The following NLRP2 variants were observed in gnomAD, a reference collection of about 807,000 sequenced individuals.
The protein encoded by NLRP2 is NACHT, LRR and PYD domains-containing protein 2.
Under a neutral mutation model 97.2 loss-of-function variants are expected in NLRP2, and 107 were observed. The observed-to-expected ratio is 1.10, with a 90% confidence interval of 0.94 to 1.29. NLRP2 has a LOEUF of 1.29. Ranked by LOEUF, NLRP2 falls within the 50% of genes most tolerant of loss-of-function variation. The pLI is 0.00. For synonymous variants in NLRP2, 663 were observed against 551.5 expected (o/e 1.20, Z -2.83); for missense variants, 1,495 against 1,330.3 (o/e 1.12, Z -1.93).
intron 8 of NLRP2, 47 bp downstream of exon 8, chr19:54,986,362 A>C: frequency 1.3e-6 from 2 of 1,538,568 alleles, no homozygotes; most frequent in Non-Finnish European, 9.0e-7. Flanking sequence ...AACATAAGCT[A>C]CCACAAGCTT....
intron 3 of NLRP2, among the ~76,000 whole-genome samples, 180 bp downstream of exon 3, chr19:54,974,724 C>T (rs145681394): frequency 9.6e-4 from 146 of 152,280 alleles, no homozygotes; most frequent in African/African-American, 3.4e-3. Flanking sequence ...AGCTGAAACA[C>T]GATCGCGTTT....
rs776608017 is a variant in NLRP2, at chr19:54,994,415, C to A, written c.2855C>A (p.Pro952Gln). 5 of 1,613,108 alleles carry A rather than the reference C, an allele frequency of 3.1e-6. No homozygotes were observed. The South Asian group carries it at 5.5e-5, about 18-fold the overall frequency. The change falls in exon 11 of 13, where the codon CCA becomes CAA. Residue 952 changes from proline (P) to glutamine (Q), a missense_variant. Coordinates refer to ENST00000448584, the MANE Select transcript of NLRP2 (RefSeq NM_017852.5). ...TTCCTGTGTGAGGCTTTGAGGAAAC[C>A]ACTGTGCAACTTGAGATGTCTGTGG... ...MKFLCEALRK[P>Q]LCNLRCLWLW...
chr19:54,993,964 C>G (rs1271612816), intron 10 of NLRP2: 3 of 485,182 alleles, frequency 6.2e-6, no homozygotes, highest in African/African-American at 5.8e-5. Flanking sequence ...CTGGCTTTGA[C>G]TCTCAGCTCC....
chr19:54,969,918 C>G (rs572941162), intron 1 of NLRP2, 81 bp from the exon 2 acceptor site: 1 of 1,389,860 alleles, frequency 7.2e-7, no homozygotes, highest in Admixed American at 1.7e-5. Flanking sequence ...TGTCCTTGTT[C>G]GTGGCACAGC....
In NLRP2 at chr19:54,975,106, GTTTTTTTTTTTTTTTTTTTT is replaced by G. The variant is rs558518586; in HGVS notation, c.325+580_325+599del. Reference sequence around the variant, plus strand: ...ATGAGCCACCACCACACCCGGTTTTGTTTTTTTTTTTTTTTTTTTTTTTTTTTTTTTTTTTTTGAAACAGG... The same window carrying G: ...ATGAGCCACCACCACACCCGGTTTTGTTTTTTTTTTTTTTTTTGAAACAGG... On this transcript the variant is annotated intron_variant, in intron 3 of 12. Coordinates refer to ENST00000448584, the MANE Select transcript of NLRP2 (RefSeq NM_017852.5). 8.8e-3 allele frequency among the ~76,000 whole-genome samples: 517 copies of G among 58,708 alleles called. 9 individuals carry two copies. The highest frequency in any genetic ancestry group is 0.024 in the African/African-American group (436 of 17,998). The allele number at this position is 58,708 out of a possible 152,430, so 38.5% of individuals were successfully genotyped here.
chr19:54,995,737 C>T (rs901980948), intron 11 of NLRP2, among the ~76,000 whole-genome samples: 13 of 152,010 alleles, frequency 8.6e-5, no homozygotes, highest in Non-Finnish European at 1.9e-4. Context: ...ATCTGGGAGG[C>T]AATCTTAAAA....
rs1568503662 is a variant in NLRP2 at position 54,983,729 on chromosome 19, G to T, written c.2030+1G>T. Reference sequence around the variant, plus strand: ...CTGAATCAGACGCCGAGGTTGAGAGGTGAGAACCGTTTCACTCTACCAGTC... The same window carrying T: ...CTGAATCAGACGCCGAGGTTGAGAGTTGAGAACCGTTTCACTCTACCAGTC... On this transcript the variant is annotated splice_donor_variant, in intron 6 of 12. Coordinates refer to ENST00000448584, the MANE Select transcript of NLRP2 (RefSeq NM_017852.5). LOFTEE classifies it high-confidence loss of function. The T allele has an allele frequency of 6.2e-7, 1 of 1,609,374 alleles. No individual in the cohort carries two copies. Among genetic ancestry groups the T allele is most frequent in the Non-Finnish European group, 8.5e-7 (1 of 1,179,856 alleles).
intron 3 of NLRP2, chr19:54,976,937 C>G (rs916570563): frequency 7.8e-6 from 3 of 385,154 alleles, no homozygotes; most frequent in African/African-American, 6.6e-5. Context: ...GCCTCAGCCT[C>G]GCAAGTAGCT....
chr19:54,983,844 T>C lies in NLRP2; in HGVS notation c.2030+116T>C, dbSNP rs998733298. On this transcript the variant is annotated intron_variant, in intron 6 of 12. Coordinates refer to ENST00000448584, the MANE Select transcript of NLRP2 (RefSeq NM_017852.5). ...CTTAGGGTCAGGAATTCCCTCTTGTTGGACTCTTTGTTTGTTTTTGTTTTG... is the reference window on the plus strand; with the variant it reads ...CTTAGGGTCAGGAATTCCCTCTTGTCGGACTCTTTGTTTGTTTTTGTTTTG... 3.5e-6 allele frequency: 5 copies of C among 1,415,856 alleles called. No individual in the cohort carries two copies. The African/African-American group carries it at 5.6e-5, about 16-fold the overall frequency. 87.7% of individuals were successfully genotyped at this position (1,415,856 alleles called of 1,614,324 possible).
intron 4 of NLRP2, 89 bp downstream of exon 4, chr19:54,977,912 C>T: frequency 8.5e-7 from 1 of 1,178,484 alleles, no homozygotes; most frequent in Non-Finnish European, 1.3e-6. Context: ...AACCCCATCT[C>T]TCTCCAATCT....
intron 12 of NLRP2, among the ~76,000 whole-genome samples, chr19:54,999,078 CATTA>C (rs2073034878): frequency 2.0e-5 from 3 of 148,574 alleles, no homozygotes; most frequent in Non-Finnish European, 4.5e-5. Flanking sequence ...CCTCACTTCC[CATTA>C]GGGGCGGCCG....
chr19:54,985,398 C>T (rs76233598), intron 7 of NLRP2, among the ~76,000 whole-genome samples, 181 bp downstream of exon 7: 7,793 of 152,212 alleles, frequency 0.051, 248 homozygotes, highest in South Asian at 0.095. Context: ...TTTCTAGGGG[C>T]TGGGCATGGT....
intron 6 of NLRP2, 70 bp from the exon 7 acceptor site, chr19:54,984,977 A>C: frequency 1.1e-5 from 16 of 1,494,476 alleles, no homozygotes; most frequent in Non-Finnish European, 1.3e-5. Flanking sequence ...GTATATGCCC[A>C]GAGAAACCCT....
Position 54,975,106 on chromosome 19 carries a change from GTTTTTTTTT to G in NLRP2, c.325+591_325+599del, listed in dbSNP as rs558518586. Among the ~76,000 whole-genome samples the G allele has an allele frequency of 4.9e-3, 287 of 58,704 alleles. 14 individuals are homozygous for G. The highest frequency in any genetic ancestry group is 0.018 in the Middle Eastern group (1 of 56). The allele number at this position is 58,704 out of a possible 152,430, so 38.5% of individuals were successfully genotyped here. On this transcript the variant is annotated intron_variant, in intron 3 of 12. Coordinates refer to ENST00000448584, the MANE Select transcript of NLRP2 (RefSeq NM_017852.5). ...ATGAGCCACCACCACACCCGGTTTT[GTTTTTTTTT>G]TTTTTTTTTTTTTTTTTTTTTTTTT... is the stretch of plus-strand genomic sequence containing the variant.
intron 1 of NLRP2, among the ~76,000 whole-genome samples, chr19:54,966,915 C>T (rs1232568735): frequency 2.1e-5 from 3 of 145,860 alleles, no homozygotes; most frequent in African/African-American, 7.6e-5. Flanking sequence ...GATCTCGGCT[C>T]ACTGAACCCT....
At chr19:54,979,912 G>A (rs188063863) in intron 4 of NLRP2, among the ~76,000 whole-genome samples, 2 of 152,140 alleles carry the variant, frequency 1.3e-5, no homozygotes, top group East Asian at 1.9e-4. Flanking sequence ...AAATAGCTGG[G>A]AGTACAGGTG....
At chr19:54,973,881 A>G in intron 2 of NLRP2, 1 of 663,572 alleles carries the variant, frequency 1.5e-6, no homozygotes, top group Non-Finnish European at 2.8e-6. Flanking sequence ...CACCCCCACA[A>G]AGTGACACAA....
chr19:55,001,046 G>T lies in NLRP2; in HGVS notation c.*148G>T. 1.4e-6 allele frequency: 1 copy of T among 689,848 alleles called. No homozygotes were observed. The highest frequency in any genetic ancestry group is 2.6e-6 in the Non-Finnish European group (1 of 389,488). The allele number at this position is 689,848 out of a possible 1,614,324, so 42.7% of individuals were successfully genotyped here. ...ATGTTTTAGCCATGATTCTGCCTCT[G>T]TTTTATACCTGCACACATCCTTATC... On this transcript the variant is annotated 3_prime_UTR_variant, in exon 13 of 13. Transcript: ENST00000448584.
At position 54,994,321 on chromosome 19, in the gene NLRP2, C is replaced by G. The variant is rs760838433; in HGVS notation, c.2761C>G (p.Leu921Val). 1.7e-5 allele frequency: 28 copies of G among 1,614,058 alleles called. No individual in the cohort carries two copies. In the Admixed American group the frequency reaches 4.7e-4, roughly 27 times the overall value. The part of the protein sequence containing the change: ...SDGCCDLTKL[L>V]QEKSSLLCLD... ...TGGCTGCTGCGATCTCACAAAGCTTCTCCAAGAAAAATCAAGCCTGTTGTG... is the reference window on the plus strand; with the variant it reads ...TGGCTGCTGCGATCTCACAAAGCTTGTCCAAGAAAAATCAAGCCTGTTGTG... The change falls in exon 11 of 13, where the codon CTC (leucine) becomes GTC (valine). Residue 921 changes from leucine (L) to valine (V), a missense_variant. Coordinates refer to ENST00000448584, the MANE Select transcript of NLRP2 (RefSeq NM_017852.5).
Sources: gnomAD v4.1 joint callset for allele counts (sites outside exome capture counted in the v4.1 genomes callset) on GRCh38, gnomAD v4.1.1 for gene constraint, MANE v1.5 for transcripts, NCBI Gene and HGNC (gene_info 2026-07-23, HGNC 2026-07-21) for gene names.